The following NFIL3 variants were observed in gnomAD, a reference collection of about 807,000 sequenced individuals.
NFIL3 encodes nuclear factor, interleukin 3 regulated.
A neutral mutation model predicts 10.0 loss-of-function variants in NFIL3; 5 were observed. That is an observed-to-expected ratio of 0.50 (90% CI 0.26 to 1.06). The LOEUF (loss-of-function observed/expected upper bound fraction) is 1.06. Among genes scored for constraint, NFIL3 ranks in the 50% least tolerant of loss-of-function variants. The pLI is 0.13. For missense variants in NFIL3, 436 were observed against 547.6 expected, an observed-to-expected ratio of 0.80 and a Z score of 2.03; for synonymous variants, 202 against 206.5, an observed-to-expected ratio of 0.98 and a Z score of 0.19.
chr9:91,446,798 C>G, the NFIL3 span, among the ~76,000 whole-genome samples: 3 of 150,824 alleles, frequency 2.0e-5, no homozygotes, highest in Non-Finnish European at 3.0e-5. Flanking sequence ...CCCTTTCTCT[C>G]TCTCTCTCTC....
chr9:91,447,027 G>C, the NFIL3 span, among the ~76,000 whole-genome samples: 1 of 152,218 alleles, frequency 6.6e-6, no homozygotes, highest in South Asian at 2.1e-4. Flanking sequence ...TGTTGGCCAA[G>C]CTGGTCTTAA....
chr9:91,455,394 ATTTG>A, the NFIL3 span, among the ~76,000 whole-genome samples: 2 of 151,626 alleles, frequency 1.3e-5, no homozygotes, highest in South Asian at 2.1e-4. Context: ...TCCCCATTTT[ATTTG>A]TTTATTTATT....
chr9:91,469,845 G>A, the NFIL3 span, among the ~76,000 whole-genome samples: 31 of 152,178 alleles, frequency 2.0e-4, no homozygotes, highest in South Asian at 6.2e-4. Flanking sequence ...ATTGATTTGC[G>A]TATGTTGAAC....
the NFIL3 span, among the ~76,000 whole-genome samples, chr9:91,456,517 C>A: frequency 6.6e-6 from 1 of 152,078 alleles, no homozygotes; most frequent in African/African-American, 2.4e-5. Context: ...CTTATCTCAT[C>A]TTTCCTGAAG....
At chr9:91,473,657 G>A in the NFIL3 span, among the ~76,000 whole-genome samples, 2 of 152,212 alleles carry the variant, frequency 1.3e-5, no homozygotes, top group African/African-American at 4.8e-5. Context: ...CTGACTCCTT[G>A]TGCTTCCTGG....
At chr9:91,451,848 T>C in the NFIL3 span, among the ~76,000 whole-genome samples, 4 of 152,170 alleles carry the variant, frequency 2.6e-5, no homozygotes, top group Admixed American at 1.3e-4. Context: ...GTCCTTTGTC[T>C]CTGACCCAGG....
chr9:91,460,733 A>G, the NFIL3 span, among the ~76,000 whole-genome samples: 2 of 152,206 alleles, frequency 1.3e-5, no homozygotes, highest in Non-Finnish European at 2.9e-5. Context: ...TTTAGAGCCT[A>G]GCAAGCATAC....
At chr9:91,445,077 T>A in the NFIL3 span, among the ~76,000 whole-genome samples, 1 of 152,140 alleles carries the variant, frequency 6.6e-6, no homozygotes, top group Non-Finnish European at 1.5e-5. Context: ...CTCTGAGGCA[T>A]ATCCTAGCAG....
the NFIL3 span, among the ~76,000 whole-genome samples, chr9:91,448,929 T>C: frequency 6.6e-6 from 1 of 152,336 alleles, no homozygotes; most frequent in East Asian, 1.9e-4. Context: ...ATTTTCAGTA[T>C]ACAAGTCTTT....
intron 1 of NFIL3, among the ~76,000 whole-genome samples, chr9:91,420,487 A>G (rs1833742077): frequency 6.6e-6 from 1 of 151,936 alleles, no homozygotes. Context: ...TACCCTGGAG[A>G]GTGATGGAAA....
At chr9:91,425,402 A>T (rs569561252), upstream of NFIL3, among the ~76,000 whole-genome samples, 1 of 152,164 alleles carries the variant, frequency 6.6e-6, no homozygotes, top group African/African-American at 2.4e-5. Context: ...GTTTTTGGAA[A>T]GCCTTCCAGG....
the NFIL3 span, among the ~76,000 whole-genome samples, chr9:91,480,657 A>AAAAGATACAG: frequency 6.6e-6 from 1 of 152,230 alleles, no homozygotes; most frequent in Non-Finnish European, 1.5e-5. Context: ...TTGAAGCAAT[A>AAAAGATACAG]AAAGATACAG....
rs563743732 is a variant in NFIL3, at chr9:91,413,887, GTTATC to G, written c.-172-2986_-172-2982del. 4.7e-5 allele frequency among the ~76,000 whole-genome samples: 7 copies of G among 147,752 alleles called. No individual in the cohort carries two copies. The South Asian group carries it at 1.5e-3, about 32-fold the overall frequency. On this transcript the variant is annotated intron_variant, in intron 1 of 1. Transcript: ENST00000297689. ...ACCTGAGAATCTTTCTCTTCCATGTGTTATCTTATTTGTTCCTTCTTAAAAAAAAA... is the reference window on the plus strand; with the variant it reads ...ACCTGAGAATCTTTCTCTTCCATGTGTTATTTGTTCCTTCTTAAAAAAAAA...
At chr9:91,429,138 T>C in the NFIL3 span, among the ~76,000 whole-genome samples, 1 of 152,202 alleles carries the variant, frequency 6.6e-6, no homozygotes, top group African/African-American at 2.4e-5. Flanking sequence ...TGCAATCCAG[T>C]TCAAATCAAC....
intron 1 of NFIL3, among the ~76,000 whole-genome samples, chr9:91,412,698 G>C (rs1053435117): frequency 6.6e-6 from 1 of 151,950 alleles, no homozygotes; most frequent in African/African-American, 2.4e-5. Context: ...ACAAAAATTA[G>C]TCGGGTGTGG....
the NFIL3 span, among the ~76,000 whole-genome samples, chr9:91,435,969 A>G: frequency 6.6e-6 from 1 of 152,198 alleles, no homozygotes; most frequent in South Asian, 2.1e-4. Flanking sequence ...ATTTTGGCTA[A>G]TATGAGCAGA....
rs1428971129 is a variant in NFIL3 at position 91,410,010 on chromosome 9, G to A, written c.725C>T (p.Ser242Phe). The change falls in exon 2 of 2, where the codon TCC becomes TTC. Residue 242 changes from serine to phenylalanine, a missense_variant. By Grantham distance (155) the Ser-to-Phe change is radical (BLOSUM62 -2). Around this residue, in one of 3 missense-constraint regions of NFIL3, gnomAD observed 338 missense variants for 399.9 expected, o/e 0.85. Transcript: ENST00000297689. This position sits in a 1 kb window ranked among gnomAD's most constrained non-coding sequence, Gnocchi z 5.7. The part of the protein sequence containing the change: ...PRDDRGSYTA[S>F]IYQNYMGNSF... ...ATTCCCCATATAGTTTTGATAGATG[G>A]ACGCTGTGTAAGAGCCTCGGTCATC... 6.2e-7 allele frequency: 1 copy of A among 1,612,914 alleles called. No individual in the cohort carries two copies. Among genetic ancestry groups the A allele is most frequent in the East Asian group, 2.2e-5 (1 of 44,874 alleles).
chr9:91,466,944 T>TA, the NFIL3 span, among the ~76,000 whole-genome samples: 3 of 152,168 alleles, frequency 2.0e-5, no homozygotes, highest in African/African-American at 7.2e-5. Flanking sequence ...TACAGTAGAA[T>TA]ACCTTCCACA....
chr9:91,480,437 A>G, the NFIL3 span, among the ~76,000 whole-genome samples: 4,601 of 152,262 alleles, frequency 0.03, 99 homozygotes, highest in East Asian at 0.093. Context: ...AAGTGCAGGG[A>G]AAGTTTGAAC....
Sources: gnomAD v4.1 joint callset for allele counts (sites outside exome capture counted in the v4.1 genomes callset) on GRCh38, gnomAD v4.1.1 for gene constraint, gnomAD v4.1.1 regional missense constraint, Gnocchi (gnomAD v3.1) non-coding constraint, MANE v1.5 for transcripts, NCBI Gene and HGNC (gene_info 2026-07-23, HGNC 2026-07-21) for gene names.